DIDO1: variants seen among roughly 807,000 people sequenced by gnomAD.
DIDO1 encodes the protein death-inducer obliterator 1.
In DIDO1, 16 loss-of-function variants were observed where a neutral mutation model predicts 99.4. The observed-to-expected ratio is 0.16, with a 90% CI of 0.11 to 0.24. The LOEUF (loss-of-function observed/expected upper bound fraction) is 0.24. Among genes scored for constraint, DIDO1 ranks in the 10% least tolerant of loss-of-function variants. The pLI is 1.00. For missense variants in DIDO1, 2,996 were observed against 3,014.0 expected (o/e 0.99, Z 0.14); for synonymous variants, 1,366 against 1,239.1 (o/e 1.10, Z -2.15).
intron 3 of DIDO1, among the ~76,000 whole-genome samples, chr20:62,910,270 C>A (rs1205470563): frequency 2.0e-5 from 3 of 152,202 alleles, no homozygotes; most frequent in African/African-American, 7.2e-5. Flanking sequence ...GCAAGTCTCC[C>A]CCCAAAACTG....
intron 4 of DIDO1, among the ~76,000 whole-genome samples, chr20:62,907,748 G>A (rs180942623): frequency 6.6e-6 from 1 of 152,342 alleles, no homozygotes; most frequent in African/African-American, 2.4e-5. Context: ...CAAGTCAAAT[G>A]GGTCCGGCTA....
chr20:62,897,897 G>A (rs2064573847), intron 6 of DIDO1, among the ~76,000 whole-genome samples: 1 of 152,218 alleles, frequency 6.6e-6, no homozygotes, highest in South Asian at 2.1e-4. Context: ...GTGGAGCAGA[G>A]TGAAACGCCT....
chr20:62,905,062 C>T (rs1426910550), intron 6 of DIDO1: 30 of 990,172 alleles, frequency 3.0e-5, no homozygotes, highest in Admixed American at 1.2e-4. Context: ...ATTAAAATTG[C>T]ACCACAGAAT....
intron 8 of DIDO1, 86 bp from the exon 9 acceptor site, chr20:62,895,251 A>T (rs1426784375): frequency 2.4e-6 from 3 of 1,276,520 alleles, no homozygotes; most frequent in East Asian, 2.3e-5. Flanking sequence ...GCTGCCCAGA[A>T]GTTTAGCGGG....
intron 14 of DIDO1, among the ~76,000 whole-genome samples, chr20:62,891,556 A>C (rs6089809): frequency 6.6e-6 from 1 of 151,944 alleles, no homozygotes; most frequent in African/African-American, 2.4e-5. Flanking sequence ...AGAAAACCAG[A>C]ACCGTTCAAG....
Position 62,894,203 on chromosome 20 carries a change from G to A in DIDO1, c.2573-9C>T, listed in dbSNP as rs547059210. On this transcript the variant is annotated splice_polypyrimidine_tract_variant and intron_variant, in intron 11 of 15. Coordinates refer to ENST00000395343, the MANE Select transcript of DIDO1 (RefSeq NM_001193369.2). This position sits in a 1 kb window ranked among gnomAD's most constrained non-coding sequence, Gnocchi z 4.4. ...TGCGGAGGGAACCTGGCCTGAAGAA[G>A]GCGAGGAAAGGCTCTGTGAGAAACC... The A allele has an allele frequency of 2.3e-5, 37 of 1,607,914 alleles. No homozygotes were observed. In the South Asian group the frequency reaches 3.8e-4, roughly 17 times the overall value.
chr20:62,884,002 T>C (rs2064255233), intron 15 of DIDO1, among the ~76,000 whole-genome samples: 1 of 152,098 alleles, frequency 6.6e-6, no homozygotes, highest in Non-Finnish European at 1.5e-5. Flanking sequence ...TGAGACTCTC[T>C]TGGAAAAAAG....
chr20:62,919,958 T>A (rs541993764), intron 1 of DIDO1, among the ~76,000 whole-genome samples: 1 of 152,362 alleles, frequency 6.6e-6, no homozygotes, highest in African/African-American at 2.4e-5. Flanking sequence ...ATTTAATGGC[T>A]GGACATAAAG....
chr20:62,904,780 C>CAAAAAAAAAAAAAAAAAAAAAAA (rs58039393), intron 6 of DIDO1, among the ~76,000 whole-genome samples: 4 of 62,622 alleles, frequency 6.4e-5, no homozygotes, highest in Admixed American at 5.0e-4. Flanking sequence ...ACTCTTGTCT[C>CAAAAAAAAAAAAAAAAAAAAAAA]AAAAAAAAAA....
intron 1 of DIDO1, among the ~76,000 whole-genome samples, chr20:62,936,105 C>T (rs1181528576): frequency 2.0e-5 from 3 of 152,222 alleles, no homozygotes; most frequent in African/African-American, 7.2e-5. Context: ...CGTGCATCCC[C>T]TTGCACACTT....
At chr20:62,917,202 AT>A (rs113599896) in intron 1 of DIDO1, among the ~76,000 whole-genome samples, 2 of 150,058 alleles carry the variant, frequency 1.3e-5, no homozygotes, top group Non-Finnish European at 1.5e-5. Context: ...TAATTTTTGC[AT>A]TTTTTTTTGT....
chr20:62,923,019 GT>G, intron 1 of DIDO1, among the ~76,000 whole-genome samples: 1 of 152,156 alleles, frequency 6.6e-6, no homozygotes, highest in South Asian at 2.1e-4. Flanking sequence ...GGGGTGGGGG[GT>G]GGACAGAGTC....
intron 4 of DIDO1, among the ~76,000 whole-genome samples, chr20:62,908,357 C>T (rs574845866): frequency 6.6e-6 from 1 of 152,316 alleles, no homozygotes; most frequent in South Asian, 2.1e-4. Context: ...GAGACCACAG[C>T]CCCCGCTGCA....
chr20:62,894,600 T>G lies in DIDO1; in HGVS notation c.2437-52A>C. 1 of 1,584,934 alleles carries G rather than the reference T, an allele frequency of 6.3e-7. No homozygotes were observed. The highest frequency in any genetic ancestry group is 1.7e-5 in the Admixed American group (1 of 57,302). ...AGGTCGTTTCTTCTCCAAACTCAGC[T>G]CCAAATTAACCACACACAAGAAAAG... On this transcript the variant is annotated intron_variant, in intron 10 of 15. Coordinates refer to ENST00000395343, the MANE Select transcript of DIDO1 (RefSeq NM_001193369.2). This position sits in a 1 kb window ranked among gnomAD's most constrained non-coding sequence, Gnocchi z 4.4.
chr20:62,882,443 T>C, intron 15 of DIDO1, 29 bp from the exon 16 acceptor site: 1 of 1,584,384 alleles, frequency 6.3e-7, no homozygotes, highest in Non-Finnish European at 8.6e-7. Context: ...GTGCAAATTT[T>C]AGAATCTAAA....
intron 15 of DIDO1, among the ~76,000 whole-genome samples, chr20:62,886,905 C>T (rs1418825835): frequency 6.6e-6 from 1 of 152,238 alleles, no homozygotes; most frequent in Non-Finnish European, 1.5e-5. Flanking sequence ...CCACCAAACA[C>T]ACCCACTCAC....
chr20:62,919,546 A>G (rs1175463861), intron 1 of DIDO1, among the ~76,000 whole-genome samples: 1 of 152,022 alleles, frequency 6.6e-6, no homozygotes, highest in African/African-American at 2.4e-5. Context: ...CTCTCAAAGA[A>G]GAAAAAAAAA....
chr20:62,907,110 CGTCCACTGCCTGGGCGGCTGGTCCTG>C lies in DIDO1; in HGVS notation c.1374+11_1374+36del. 6.2e-7 allele frequency: 1 copy of C among 1,604,448 alleles called. No individual in the cohort carries two copies. The highest frequency in any genetic ancestry group is 1.1e-5 in the South Asian group (1 of 90,876). On this transcript the variant is annotated intron_variant, in intron 5 of 15. Transcript: ENST00000395343. ...TGCGACAAACGCTCTCACGCCTGTG[CGTCCACTGCCTGGGCGGCTGGTCCTG>C]GTCCACTCACCTGAGCACCGCATTT...
At chr20:62,897,076 C>T (rs1171204202) in intron 6 of DIDO1, 80 bp from the exon 7 acceptor site, 13 of 1,349,740 alleles carry the variant, frequency 9.6e-6, no homozygotes, top group South Asian at 2.9e-5. Flanking sequence ...CAGACTTACC[C>T]TTAAACCTGT....
Sources: allele counts gnomAD v4.1 joint callset (sites outside exome capture counted in the v4.1 genomes callset), GRCh38; gene constraint gnomAD v4.1.1; non-coding constraint Gnocchi (gnomAD v3.1); transcripts MANE v1.5; gene names NCBI Gene and HGNC (gene_info 2026-07-23, HGNC 2026-07-21).